CELSR1: variants seen among roughly 807,000 people sequenced by gnomAD.
CELSR1 encodes adhesion G protein-coupled receptor C1.
CELSR1 carries 110 observed loss-of-function variants against 249.1 expected under a neutral mutation model. The ratio of observed to expected loss-of-function variants is 0.44; its 90% CI spans 0.38 to 0.52. The LOEUF is 0.52. Ranked by LOEUF, CELSR1 falls within the 20% of genes least tolerant of loss-of-function variation. CELSR1 has a pLI of 0.00. For missense variants in CELSR1, 4,109 were observed against 4,296.4 expected (o/e 0.96, Z 1.22); for synonymous variants, 2,113 against 1,900.0 (o/e 1.11, Z -2.92).
At chr22:46,509,880 A>C (rs1050322817) in intron 1 of CELSR1, among the ~76,000 whole-genome samples, 10 of 152,198 alleles carry the variant, frequency 6.6e-5, no homozygotes, top group African/African-American at 2.4e-4. Context: ...TCCTTCTCCA[A>C]GATGTCATGA....
chr22:46,519,505 G>A (rs760059325), intron 1 of CELSR1, among the ~76,000 whole-genome samples: 21 of 152,324 alleles, frequency 1.4e-4, no homozygotes, highest in Admixed American at 2.0e-4. Flanking sequence ...GGGGAGCAGC[G>A]GTCTCAGCCG....
At chr22:46,522,802 AG>A (rs1230393582) in intron 1 of CELSR1, among the ~76,000 whole-genome samples, 1 of 152,194 alleles carries the variant, frequency 6.6e-6, no homozygotes, top group Non-Finnish European at 1.5e-5. Context: ...GGAGGTCCAG[AG>A]GGGGCCAGGC....
At chr22:46,366,512 A>AGTGGTGGTCAT in intron 29 of CELSR1, 32 bp from the exon 30 acceptor site, 5 of 1,493,284 alleles carry the variant, frequency 3.3e-6, no homozygotes, top group South Asian at 2.4e-5. Flanking sequence ...GTCACTGCCA[A>AGTGGTGGTCAT]GTGGTGGCCA....
Position 46,363,930 on chromosome 22 carries a change from T to C in CELSR1, c.9035+66A>G. 3 of 1,472,392 alleles carry C rather than the reference T, an allele frequency of 2.0e-6. No individual in the cohort carries two copies. The highest frequency in any genetic ancestry group is 1.4e-5 in the African/African-American group (1 of 70,026). The allele number at this position is 1,472,392 out of a possible 1,614,324, so 91.2% of individuals were successfully genotyped here. A position where few individuals can be genotyped will look rare whatever the true frequency, so the allele number is the denominator to read the frequency against. ...TGTCAGGTCCCTGACCACTGCCCCCTCTCTCTCCTGACTCAGGACAAGGGG... is the reference window on the plus strand; with the variant it reads ...TGTCAGGTCCCTGACCACTGCCCCCCCTCTCTCCTGACTCAGGACAAGGGG... On this transcript the variant is annotated intron_variant, in intron 34 of 34. Coordinates refer to ENST00000674500, the MANE Select transcript of CELSR1 (RefSeq NM_001378328.1). The surrounding 1 kb of genome is among the most constrained non-coding windows in gnomAD (Gnocchi z 4.3).
chr22:46,426,383 G>C (rs1461254848), intron 5 of CELSR1, among the ~76,000 whole-genome samples: 1 of 152,142 alleles, frequency 6.6e-6, no homozygotes, highest in Admixed American at 6.5e-5. Flanking sequence ...CAGTTCTGGA[G>C]GCTGCGAGTC....
Position 46,410,108 on chromosome 22 carries a change from C to G in CELSR1, c.4934-228G>C, listed in dbSNP as rs80023594. ...CGCCAGGCCATCACGGCAGCCGGCC[C>G]GGTCACCTGGTGACACATATGCAAG... On this transcript the variant is annotated intron_variant, in intron 7 of 34. Transcript: ENST00000674500. The surrounding 1 kb of genome is among the most constrained non-coding windows in gnomAD (Gnocchi z 6.8). Among the ~76,000 whole-genome samples, 1 of 152,174 alleles carries G rather than the reference C, an allele frequency of 6.6e-6. No homozygotes were observed. The highest frequency in any genetic ancestry group is 1.5e-5 in the Non-Finnish European group (1 of 68,024).
At position 46,439,544 on chromosome 22, in the gene CELSR1, G is replaced by A. The variant is rs113176608; in HGVS notation, c.4184-133C>T. 5.7e-6 allele frequency: 4 copies of A among 704,234 alleles called. No individual in the cohort carries two copies. In the Middle Eastern group the frequency reaches 1.2e-3, roughly 208 times the overall value. 43.6% of individuals were successfully genotyped at this position (704,234 alleles called of 1,614,324 possible). A position where few individuals can be genotyped will look rare whatever the true frequency, so the allele number is the denominator to read the frequency against. ...TGAAAGAAAACCCGACTGACTCCAG[G>A]ACAGGTCTGTGACATGAACAGAAAC... is the stretch of plus-strand genomic sequence containing the variant. On this transcript the variant is annotated intron_variant, in intron 2 of 34. Coordinates refer to ENST00000674500, the MANE Select transcript of CELSR1 (RefSeq NM_001378328.1).
intron 9 of CELSR1, among the ~76,000 whole-genome samples, chr22:46,404,363 G>C (rs2079241637): frequency 6.6e-6 from 1 of 151,774 alleles, no homozygotes; most frequent in African/African-American, 2.4e-5. Flanking sequence ...AGTGAGCAGA[G>C]TTCACGCCAC....
In CELSR1 at chr22:46,473,050, G is replaced by A. The variant is rs1372720155; in HGVS notation, c.3545-8705C>T. 1.3e-5 allele frequency among the ~76,000 whole-genome samples: 2 copies of A among 152,108 alleles called. No individual in the cohort carries two copies. Among genetic ancestry groups the A allele is most frequent in the Admixed American group, 6.6e-5 (1 of 15,262 alleles). On this transcript the variant is annotated intron_variant, in intron 1 of 34. Transcript: ENST00000674500. The surrounding 1 kb of genome is among the most constrained non-coding windows in gnomAD (Gnocchi z 6.6). Reference sequence around the variant, plus strand: ...GTCAACCCCGGGAATGCAGAGTAGCGGAGAGACACGGGCACGGAGGCAGGG... The same window carrying A: ...GTCAACCCCGGGAATGCAGAGTAGCAGAGAGACACGGGCACGGAGGCAGGG...
In CELSR1 at chr22:46,464,852, C is replaced by A. The variant is rs2080079586; in HGVS notation, c.3545-507G>T. On this transcript the variant is annotated intron_variant, in intron 1 of 34. Coordinates refer to ENST00000674500, the MANE Select transcript of CELSR1 (RefSeq NM_001378328.1). The surrounding 1 kb of genome is among the most constrained non-coding windows in gnomAD (Gnocchi z 8.5). ...GCAGCTCAGCTCAAACTCTGCAGTG[C>A]CTGGCAAGCCCGCCCTGGTCCTGCC... 1.3e-5 allele frequency among the ~76,000 whole-genome samples: 2 copies of A among 152,178 alleles called. No homozygotes were observed. The highest frequency in any genetic ancestry group is 6.5e-5 in the Admixed American group (1 of 15,272).
intron 4 of CELSR1, among the ~76,000 whole-genome samples, chr22:46,435,242 T>C (rs2079644429): frequency 6.8e-6 from 1 of 147,666 alleles, no homozygotes; most frequent in East Asian, 2.0e-4. Flanking sequence ...ATGAGCCACC[T>C]TGCCTGGCCA....
chr22:46,453,411 C>T (rs560565560), intron 2 of CELSR1, among the ~76,000 whole-genome samples: 19 of 152,276 alleles, frequency 1.2e-4, no homozygotes, highest in Admixed American at 1.0e-3. Flanking sequence ...GATCAACGTC[C>T]AGAAAAAATG....
At chr22:46,424,132 T>A (rs914605774) in intron 5 of CELSR1, among the ~76,000 whole-genome samples, 8 of 152,070 alleles carry the variant, frequency 5.3e-5, no homozygotes, top group African/African-American at 9.7e-5. Context: ...AGTGGTACAA[T>A]CATGGCTTAC....
intron 2 of CELSR1, among the ~76,000 whole-genome samples, chr22:46,457,978 C>A (rs2079976609): frequency 6.6e-6 from 1 of 152,238 alleles, no homozygotes; most frequent in Non-Finnish European, 1.5e-5. Context: ...CTCATTTGCA[C>A]ACGGTGCCTG....
At chr22:46,494,314 AT>A (rs1185091999) in intron 1 of CELSR1, among the ~76,000 whole-genome samples, 1 of 152,270 alleles carries the variant, frequency 6.6e-6, no homozygotes, top group African/African-American at 2.4e-5. Flanking sequence ...TTCTCAGCCA[AT>A]TTTATTTACA....
intron 29 of CELSR1, 67 bp from the exon 30 acceptor site, chr22:46,366,547 C>T: frequency 7.8e-7 from 1 of 1,278,352 alleles, no homozygotes; most frequent in Non-Finnish European, 1.1e-6. Context: ...CGGGGAATGA[C>T]TCTGTCCCCA....
In CELSR1 at chr22:46,492,465, CCT is replaced by C. The variant is rs201071123; in HGVS notation, c.3545-28122_3545-28121del. ...TTTTTCTTTTCCATAAAAATGCACC[CCT>C]TTGTTTTAAAAACTGGTAGCTTGTG... On this transcript the variant is annotated intron_variant, in intron 1 of 34. Transcript: ENST00000674500. Among the ~76,000 whole-genome samples the C allele has an allele frequency of 8.1e-3, 1,239 of 152,232 alleles. 23 individuals are homozygous for C. Among genetic ancestry groups the C allele is most frequent in the African/African-American group, 0.029 (1,199 of 41,540 alleles).
Position 46,439,984 on chromosome 22 carries a change from C to T in CELSR1, c.4184-573G>A, listed in dbSNP as rs114779944. Among the ~76,000 whole-genome samples, 1,279 of 152,250 alleles carry T rather than the reference C, an allele frequency of 8.4e-3. 20 individuals carry two copies. Among genetic ancestry groups the T allele is most frequent in the African/African-American group, 0.028 (1,151 of 41,536 alleles). On this transcript the variant is annotated intron_variant, in intron 2 of 34. Transcript: ENST00000674500. ...GTCTGGCCACCCCTGGATTCCAACC[C>T]GGTTCTAATCTGGCCCGTCTCGCCC...
chr22:46,449,086 C>A (rs919002835), intron 2 of CELSR1, among the ~76,000 whole-genome samples: 19 of 151,112 alleles, frequency 1.3e-4, no homozygotes, highest in African/African-American at 4.1e-4. Flanking sequence ...ATTTATTCAC[C>A]CATGAATCCA....
Sources: allele counts gnomAD v4.1 joint callset (sites outside exome capture counted in the v4.1 genomes callset), GRCh38; gene constraint gnomAD v4.1.1; non-coding constraint Gnocchi (gnomAD v3.1); transcripts MANE v1.5; gene names NCBI Gene and HGNC (gene_info 2026-07-23, HGNC 2026-07-21).